The following ATP2B2 variants were observed in gnomAD, a reference collection of about 807,000 sequenced individuals.
ATP2B2 encodes plasma membrane calcium-transporting ATPase 2.
A neutral mutation model predicts 120.0 loss-of-function variants in ATP2B2; 15 were observed. The ratio of observed to expected loss-of-function variants is 0.12; its 90% CI spans 0.08 to 0.19. The LOEUF is 0.19. ATP2B2 is among the 10% of genes least tolerant of loss of function. ATP2B2 has a pLI of 1.00. For synonymous variants in ATP2B2, 694 were observed against 700.3 expected (o/e 0.99, Z 0.14); for missense variants, 1,045 against 1,719.8 (o/e 0.61, Z 6.94).
At chr3:10,666,414 T>C (rs913302979) in intron 1 of ATP2B2, among the ~76,000 whole-genome samples, 1 of 152,206 alleles carries the variant, frequency 6.6e-6, no homozygotes, top group Admixed American at 6.5e-5. Flanking sequence ...AACACTGTTT[T>C]CCTTCTCCCT....
At chr3:10,539,748 TA>T (rs2067393233) in intron 2 of ATP2B2, among the ~76,000 whole-genome samples, 1 of 152,084 alleles carries the variant, frequency 6.6e-6, no homozygotes. Context: ...ATGTTAGACC[TA>T]AAAACCATAA....
At position 10,350,359 on chromosome 3, in the gene ATP2B2, G is replaced by A. The variant is rs1027419490; in HGVS notation, c.2316+39C>T. The A allele has an allele frequency of 3.7e-6, 6 of 1,613,696 alleles. No homozygotes were observed. The African/African-American group carries it at 8.0e-5, about 22-fold the overall frequency. On this transcript the variant is annotated intron_variant, in intron 15 of 22. Coordinates refer to ENST00000360273, the MANE Select transcript of ATP2B2 (RefSeq NM_001001331.4). ...ACCCTACCTCCCAGCTCCCATCTGA[G>A]CGCGTTCCCCTGAGGATGCTTTACG...
At chr3:10,661,221 C>T (rs550472388) in intron 1 of ATP2B2, among the ~76,000 whole-genome samples, 22 of 152,096 alleles carry the variant, frequency 1.4e-4, no homozygotes, top group African/African-American at 4.8e-4. Context: ...CACTCCTATT[C>T]AACATAGTGT....
intron 3 of ATP2B2, among the ~76,000 whole-genome samples, chr3:10,526,778 C>T (rs1382064539): frequency 6.6e-6 from 1 of 152,056 alleles, no homozygotes. Context: ...CTCTGACTTG[C>T]TACATGACTG....
chr3:10,629,112 G>A (rs560514604), intron 1 of ATP2B2, among the ~76,000 whole-genome samples: 11 of 152,220 alleles, frequency 7.2e-5, no homozygotes, highest in Non-Finnish European at 1.2e-4. Context: ...GCAGCACCAC[G>A]CTTCGGGGCC....
At chr3:10,589,591 C>T (rs934713022) in intron 2 of ATP2B2, among the ~76,000 whole-genome samples, 1 of 152,180 alleles carries the variant, frequency 6.6e-6, no homozygotes, top group Admixed American at 6.5e-5. Context: ...CAGCCCTTGT[C>T]CCACAGGATC....
At chr3:10,336,420 A>C (rs2060119430) in intron 22 of ATP2B2, 1 of 1,042,490 alleles carries the variant, frequency 9.6e-7, no homozygotes, top group African/African-American at 1.6e-5. Flanking sequence ...TGTCACTTAA[A>C]TCAAAACAAA....
intron 2 of ATP2B2, among the ~76,000 whole-genome samples, chr3:10,413,234 C>T (rs2062672416): frequency 1.3e-5 from 2 of 152,200 alleles, no homozygotes; most frequent in Admixed American, 1.3e-4. Context: ...AGTCCAGCAG[C>T]CTGTGGTTTG....
chr3:10,528,970 C>G (rs2067155255), intron 3 of ATP2B2, among the ~76,000 whole-genome samples: 1 of 152,124 alleles, frequency 6.6e-6, no homozygotes, highest in Non-Finnish European at 1.5e-5. Context: ...CATGAGATGA[C>G]TTGGGAGGAA....
At position 10,390,498 on chromosome 3, in the gene ATP2B2, TTG is replaced by T. The variant is rs61552990; in HGVS notation, c.782-2098_782-2097del. Among the ~76,000 whole-genome samples, 1,346 of 148,128 alleles carry T rather than the reference TTG, an allele frequency of 9.1e-3. 11 individuals carry two copies. The highest frequency in any genetic ancestry group is 0.031 in the South Asian group (142 of 4,638). Reference sequence around the variant, plus strand: ...CCTGTGTGTGTGTGCGTGCATGCTTTTGTGTGTGTGTGTGTGTGTGTGTGTGC... The same window carrying T: ...CCTGTGTGTGTGTGCGTGCATGCTTTTGTGTGTGTGTGTGTGTGTGTGTGC... On this transcript the variant is annotated intron_variant, in intron 5 of 22. Transcript: ENST00000360273.
chr3:10,358,760 A>G lies in ATP2B2; in HGVS notation c.2067T>C (p.Asn689=), dbSNP rs2060811546. 4 of 1,614,158 alleles carry G rather than the reference A, an allele frequency of 2.5e-6. No homozygotes were observed. Among genetic ancestry groups the G allele is most frequent in the South Asian group, 2.2e-5 (2 of 91,084 alleles). The change falls in exon 14 of 23, where the codon AAT becomes AAC. Residue 689 remains asparagine (N), a synonymous_variant. Transcript: ENST00000360273. ...FPSSPEPDWD[N]ENDILNELTC... ...TGAGTTCGTTGAGGATGTCATTCTCATTGTCCCAGTCCGGCTCCGGGCTGC... is the reference window on the plus strand; with the variant it reads ...TGAGTTCGTTGAGGATGTCATTCTCGTTGTCCCAGTCCGGCTCCGGGCTGC...
chr3:10,541,669 G>A (rs1405136676), intron 2 of ATP2B2, among the ~76,000 whole-genome samples: 1 of 152,068 alleles, frequency 6.6e-6, no homozygotes, highest in Non-Finnish European at 1.5e-5. Flanking sequence ...GCTAATGTTT[G>A]TTTTATGATC....
chr3:10,580,293 G>T (rs2125559742), intron 2 of ATP2B2, among the ~76,000 whole-genome samples: 1 of 152,268 alleles, frequency 6.6e-6, no homozygotes, highest in South Asian at 2.1e-4. Flanking sequence ...CATGACTCTG[G>T]GGGAGTCATT....
intron 1 of ATP2B2, among the ~76,000 whole-genome samples, chr3:10,462,124 G>T (rs1408537653): frequency 6.6e-6 from 1 of 152,136 alleles, no homozygotes; most frequent in Non-Finnish European, 1.5e-5. Context: ...CCTAACATGG[G>T]TGGTTCCCAG....
chr3:10,474,282 T>G (rs910753746), intron 1 of ATP2B2, among the ~76,000 whole-genome samples: 4 of 152,142 alleles, frequency 2.6e-5, no homozygotes, highest in African/African-American at 9.7e-5. Flanking sequence ...AGAATCCTGT[T>G]TTGGACTTGT....
intron 1 of ATP2B2, among the ~76,000 whole-genome samples, chr3:10,482,098 A>G (rs1253635955): frequency 6.6e-6 from 1 of 152,118 alleles, no homozygotes; most frequent in Non-Finnish European, 1.5e-5. Flanking sequence ...TTGCTGTAAA[A>G]TCCCACTGCC....
chr3:10,503,354 G>A (rs762500717), intron 1 of ATP2B2, among the ~76,000 whole-genome samples: 26 of 152,228 alleles, frequency 1.7e-4, no homozygotes, highest in Non-Finnish European at 2.4e-4. Flanking sequence ...GTCCCTGGCC[G>A]CCTCTGTCTC....
chr3:10,395,165 C>T (rs952913643), intron 5 of ATP2B2, among the ~76,000 whole-genome samples: 2 of 152,202 alleles, frequency 1.3e-5, no homozygotes, highest in African/African-American at 4.8e-5. Flanking sequence ...AGAGGGGTCA[C>T]TGCTTTAGTG....
Position 10,635,253 on chromosome 3 carries a change from T to C in ATP2B2, c.-459-15292A>G, listed in dbSNP as rs557123879. On this transcript the variant is annotated intron_variant, in intron 1 of 21. Coordinates refer to the ATP2B2 transcript ENST00000646379. The surrounding 1 kb of genome is among the most constrained non-coding windows in gnomAD (Gnocchi z 4.3). ...TCAATTTGGGGATGTTGGCAACTAA[T>C]TCCAGTTTAAAACCCATAACATTCA... is the stretch of plus-strand genomic sequence containing the variant. Among the ~76,000 whole-genome samples, 22 of 152,284 alleles carry C rather than the reference T, an allele frequency of 1.4e-4. No homozygotes were observed. In the East Asian group the frequency reaches 4.1e-3, roughly 28 times the overall value.
Sources: gnomAD v4.1 joint callset for allele counts (sites outside exome capture counted in the v4.1 genomes callset) on GRCh38, gnomAD v4.1.1 for gene constraint, Gnocchi (gnomAD v3.1) non-coding constraint, MANE v1.5 for transcripts, NCBI Gene and HGNC (gene_info 2026-07-23, HGNC 2026-07-21) for gene names.